Variants in PDZRN4 observed in about 807,000 individuals in gnomAD.
PDZRN4 encodes PDZ domain containing ring finger 4, also known as PDZ domain-containing RING finger protein 4.
PDZRN4 carries 70 observed loss-of-function variants against 99.0 expected under a neutral mutation model. That is an observed-to-expected ratio of 0.71 (90% CI 0.58 to 0.86). PDZRN4 has a LOEUF of 0.86. PDZRN4 is among the 40% of genes least tolerant of loss of function. The pLI is 0.00. For synonymous variants in PDZRN4, 551 were observed against 501.6 expected (o/e 1.10, Z -1.32); for missense variants, 1,474 against 1,331.2 (o/e 1.11, Z -1.67).
Position 41,574,435 on chromosome 12 carries a change from C to T in PDZRN4, c.*545C>T, listed in dbSNP as rs2120869495. The T allele has an allele frequency of 6.5e-6, 1 of 152,780 alleles. No homozygotes were observed. Among genetic ancestry groups the T allele is most frequent in the Non-Finnish European group, 1.5e-5 (1 of 68,060 alleles). 9.5% of individuals were successfully genotyped at this position (152,780 alleles called of 1,614,324 possible). ...TAAATGGTGTTAACATCCCATTGTA[C>T]ATTTAACACATAAATGGCCATTGTC... On this transcript the variant is annotated 3_prime_UTR_variant, in exon 10 of 10. Transcript: ENST00000402685.
At chr12:41,522,098 C>T (rs1012620784) in intron 5 of PDZRN4, among the ~76,000 whole-genome samples, 1 of 152,056 alleles carries the variant, frequency 6.6e-6, no homozygotes, top group Non-Finnish European at 1.5e-5. Flanking sequence ...CAAGTAAAGA[C>T]AGTTACAAAT....
intron 3 of PDZRN4, among the ~76,000 whole-genome samples, chr12:41,273,239 A>G (rs575948539): frequency 6.6e-6 from 1 of 152,234 alleles, no homozygotes; most frequent in South Asian, 2.1e-4. Context: ...AAGTGTTCCT[A>G]AAGAAGGAAA....
chr12:41,514,410 G>A (rs181718820), intron 5 of PDZRN4, among the ~76,000 whole-genome samples: 17 of 151,972 alleles, frequency 1.1e-4, no homozygotes, highest in Admixed American at 1.1e-3. Context: ...TCATGAATCA[G>A]GGAAATTTTC....
intron 3 of PDZRN4, among the ~76,000 whole-genome samples, chr12:41,415,461 G>A (rs1952436919): frequency 6.6e-6 from 1 of 151,636 alleles, no homozygotes; most frequent in Non-Finnish European, 1.5e-5. Context: ...GAGTATAGCA[G>A]TATATACTAC....
At chr12:41,259,057 C>T (rs915561756) in intron 3 of PDZRN4, among the ~76,000 whole-genome samples, 1 of 152,002 alleles carries the variant, frequency 6.6e-6, no homozygotes, top group African/African-American at 2.4e-5. Context: ...AGAAATTAAC[C>T]TGCATTTAAA....
intron 7 of PDZRN4, among the ~76,000 whole-genome samples, chr12:41,558,351 T>C (rs192643285): frequency 6.6e-6 from 1 of 152,214 alleles, no homozygotes; most frequent in Non-Finnish European, 1.5e-5. Context: ...TGTGTCATTT[T>C]TCTTACTCCT....
chr12:41,542,630 A>G (rs1209708073), intron 5 of PDZRN4, among the ~76,000 whole-genome samples: 1 of 152,190 alleles, frequency 6.6e-6, no homozygotes, highest in Non-Finnish European at 1.5e-5. Context: ...GAACAGTATC[A>G]GCATGGTAAC....
intron 3 of PDZRN4, among the ~76,000 whole-genome samples, chr12:41,254,380 G>A (rs1322112737): frequency 6.6e-6 from 1 of 152,144 alleles, no homozygotes; most frequent in Non-Finnish European, 1.5e-5. Flanking sequence ...AAGTCACATG[G>A]CTAATAGGTG....
At chr12:41,456,959 A>T (rs1414171637) in intron 3 of PDZRN4, among the ~76,000 whole-genome samples, 1 of 152,182 alleles carries the variant, frequency 6.6e-6, no homozygotes, top group African/African-American at 2.4e-5. Flanking sequence ...CTAAGTTTGC[A>T]GCCATAGTGT....
chr12:41,569,347 T>C (rs1282363429), intron 9 of PDZRN4, among the ~76,000 whole-genome samples: 1 of 152,096 alleles, frequency 6.6e-6, no homozygotes, highest in Non-Finnish European at 1.5e-5. Context: ...CTCGAACTCC[T>C]GACCTCAAGT....
chr12:41,460,964 G>A (rs77058238), intron 3 of PDZRN4, among the ~76,000 whole-genome samples: 2,418 of 152,286 alleles, frequency 0.016, 24 homozygotes, highest in African/African-American at 0.024. Flanking sequence ...TATACAAGGG[G>A]TCTTTTCTAC....
At chr12:41,244,712 C>T (rs988379354) in intron 3 of PDZRN4, among the ~76,000 whole-genome samples, 1 of 143,650 alleles carries the variant, frequency 7.0e-6, no homozygotes, top group African/African-American at 2.6e-5. Flanking sequence ...GAGTCTCGCT[C>T]TGTCGCCCAG....
chr12:41,308,421 G>A (rs777407870), intron 3 of PDZRN4, among the ~76,000 whole-genome samples: 5 of 151,880 alleles, frequency 3.3e-5, no homozygotes, highest in African/African-American at 7.3e-5. Flanking sequence ...TTTTTATATC[G>A]CATTATTCAT....
At chr12:41,431,034 T>A (rs1344691997) in intron 3 of PDZRN4, among the ~76,000 whole-genome samples, 3 of 152,166 alleles carry the variant, frequency 2.0e-5, no homozygotes, top group African/African-American at 7.2e-5. Flanking sequence ...AAGGGGATGG[T>A]GGTAAACCAT....
intron 3 of PDZRN4, among the ~76,000 whole-genome samples, chr12:41,327,017 C>T (rs1951713466): frequency 1.3e-5 from 2 of 152,128 alleles, no homozygotes. Context: ...CTCTCCAGGT[C>T]AGTATAGTCA....
intron 3 of PDZRN4, among the ~76,000 whole-genome samples, chr12:41,499,645 C>G (rs1938075589): frequency 6.6e-6 from 1 of 152,134 alleles, no homozygotes; most frequent in African/African-American, 2.4e-5. Context: ...ACAGATACAT[C>G]CTCAAGATTA....
intron 3 of PDZRN4, among the ~76,000 whole-genome samples, chr12:41,382,355 T>A (rs1952134041): frequency 1.3e-5 from 2 of 152,154 alleles, no homozygotes; most frequent in African/African-American, 2.4e-5. Flanking sequence ...CTGACTAGTT[T>A]CCCTGCGCTG....
At chr12:41,472,718 T>A (rs1042351147) in intron 3 of PDZRN4, among the ~76,000 whole-genome samples, 10 of 152,220 alleles carry the variant, frequency 6.6e-5, no homozygotes, top group African/African-American at 2.4e-4. Context: ...CTCATGTGGT[T>A]TTCTCGATAA....
chr12:41,244,734 GA>G (rs1415324622), intron 3 of PDZRN4, among the ~76,000 whole-genome samples: 1 of 149,800 alleles, frequency 6.7e-6, no homozygotes, highest in African/African-American at 2.5e-5. Context: ...CCAGACTGCG[GA>G]CTGCAGTGGC....
Sources: gnomAD v4.1 joint callset for allele counts (sites outside exome capture counted in the v4.1 genomes callset) on GRCh38, gnomAD v4.1.1 for gene constraint, MANE v1.5 for transcripts, NCBI Gene and HGNC (gene_info 2026-07-23, HGNC 2026-07-21) for gene names.